ADK: variants seen among roughly 807,000 people sequenced by gnomAD.
The protein encoded by ADK is N6,N6-dimethyladenosine kinase.
ADK carries 24 observed loss-of-function variants against 44.7 expected under a neutral mutation model. The observed-to-expected ratio is 0.54, with a 90% CI of 0.39 to 0.76. ADK has a LOEUF of 0.76. Ranked by LOEUF, ADK falls within the 30% of genes least tolerant of loss-of-function variation. The probability of loss-of-function intolerance (pLI) is 0.00; values close to 1 mark genes in which losing one functional copy is unlikely to be tolerated. For missense variants in ADK, 321 were observed against 425.1 expected, an observed-to-expected ratio of 0.76 and a Z score of 2.15; for synonymous variants, 128 against 142.6, an observed-to-expected ratio of 0.90 and a Z score of 0.73.
At chr10:74,592,293 G>C (rs1480314900) in intron 8 of ADK, among the ~76,000 whole-genome samples, 2 of 152,076 alleles carry the variant, frequency 1.3e-5, no homozygotes, top group Non-Finnish European at 2.9e-5. Flanking sequence ...GTTCAGACTG[G>C]AGTGTGTTTT....
intron 9 of ADK, among the ~76,000 whole-genome samples, chr10:74,666,607 T>C (rs967889787): frequency 5.9e-5 from 9 of 152,108 alleles, no homozygotes; most frequent in African/African-American, 1.9e-4. Flanking sequence ...AGAAAGCTAG[T>C]TTTTACTAAT....
intron 6 of ADK, among the ~76,000 whole-genome samples, chr10:74,463,106 A>G (rs1199089700): frequency 6.6e-6 from 1 of 152,172 alleles, no homozygotes; most frequent in Non-Finnish European, 1.5e-5. Context: ...TTAAAATAAA[A>G]AATCTTTACT....
In ADK at chr10:74,657,582, A is replaced by C. The variant is rs1004816275; in HGVS notation, c.878-12601A>C. The stretch of plus-strand genomic sequence containing the variant: ...ACTTAAGATCAGCCAGAAAATGTAT[A>C]GTGAGTTCATACTGTACTAGATTCT... On this transcript the variant is annotated intron_variant, in intron 9 of 10. Coordinates refer to ENST00000539909, the MANE Select transcript of ADK (RefSeq NM_006721.4). 2.0e-5 allele frequency among the ~76,000 whole-genome samples: 3 copies of C among 152,232 alleles called. No individual in the cohort carries two copies. In the East Asian group the frequency reaches 5.8e-4, roughly 29 times the overall value.
chr10:74,330,301 A>G (rs902553202), intron 4 of ADK, among the ~76,000 whole-genome samples: 2 of 152,132 alleles, frequency 1.3e-5, no homozygotes, highest in Admixed American at 1.3e-4. Flanking sequence ...AGTCCCTGCT[A>G]CTCAGGAGGT....
At chr10:74,188,505 C>T (rs147970980) in intron 1 of ADK, among the ~76,000 whole-genome samples, 1,670 of 151,738 alleles carry the variant, frequency 0.011, 17 homozygotes, top group Non-Finnish European at 0.017. Context: ...CCCGCCACCA[C>T]ACCCGGCTAA....
intron 4 of ADK, among the ~76,000 whole-genome samples, chr10:74,343,513 G>A (rs560379037): frequency 1.3e-4 from 20 of 152,310 alleles, no homozygotes; most frequent in African/African-American, 4.8e-4. Context: ...TCTTAAGGGT[G>A]GCAGAGGTGG....
intron 6 of ADK, among the ~76,000 whole-genome samples, chr10:74,449,518 T>G (rs953109713): frequency 1.3e-5 from 2 of 152,234 alleles, no homozygotes; most frequent in Non-Finnish European, 2.9e-5. Flanking sequence ...TTTTGGTCAT[T>G]ATTTTTGTGT....
At chr10:74,667,500 AT>A (rs1425590822) in intron 9 of ADK, among the ~76,000 whole-genome samples, 1 of 150,926 alleles carries the variant, frequency 6.6e-6, no homozygotes, top group Non-Finnish European at 1.5e-5. Flanking sequence ...TTTATGTAGA[AT>A]TTTCAGCAAT....
intron 3 of ADK, among the ~76,000 whole-genome samples, chr10:74,273,136 C>G (rs1469119580): frequency 6.7e-6 from 1 of 149,996 alleles, no homozygotes; most frequent in Non-Finnish European, 1.5e-5. Flanking sequence ...GGTCAGTCAT[C>G]AGAAAACCTT....
At chr10:74,153,405 T>C (rs1591783688) in intron 1 of ADK, among the ~76,000 whole-genome samples, 2 of 152,196 alleles carry the variant, frequency 1.3e-5, no homozygotes, top group African/African-American at 4.8e-5. Context: ...ACGTCAACGG[T>C]GTTGAGGTTG....
chr10:74,571,230 GAT>G (rs1199410197), intron 7 of ADK, among the ~76,000 whole-genome samples: 8 of 152,218 alleles, frequency 5.3e-5, no homozygotes, highest in African/African-American at 1.9e-4. Context: ...GTTCATCAAG[GAT>G]ATTGGTCTAA....
At position 74,312,686 on chromosome 10, in the gene ADK, C is replaced by T. The variant is rs530734353; in HGVS notation, c.195-1981C>T. Among the ~76,000 whole-genome samples the T allele has an allele frequency of 1.4e-3, 214 of 150,128 alleles. 1 individual carries two copies. The highest frequency in any genetic ancestry group is 5.0e-3 in the African/African-American group (206 of 40,924). ...CTTTGGGAGGCTGAGGTGGGAGGAT[C>T]GCCTGAGCTCAGGAGTTCGAGATCT... On this transcript the variant is annotated intron_variant, in intron 3 of 10. Transcript: ENST00000539909.
At chr10:74,179,582 A>G (rs1842462599) in intron 1 of ADK, among the ~76,000 whole-genome samples, 1 of 152,192 alleles carries the variant, frequency 6.6e-6, no homozygotes, top group South Asian at 2.1e-4. Flanking sequence ...CACTCCCACC[A>G]GTGCCATTGA....
At chr10:74,175,993 T>A (rs79688216) in intron 1 of ADK, among the ~76,000 whole-genome samples, 1 of 148,002 alleles carries the variant, frequency 6.8e-6, no homozygotes, top group African/African-American at 2.5e-5. Flanking sequence ...CTTTTTTTTT[T>A]ATAGCCCGCA....
rs139544471 is a variant in ADK, at chr10:74,203,739, T to G, written c.140+2901T>G. On this transcript the variant is annotated intron_variant, in intron 2 of 10. Coordinates refer to ENST00000539909, the MANE Select transcript of ADK (RefSeq NM_006721.4). Reference sequence around the variant, plus strand: ...TTTTGAAGTCAGGAAGTGTCAGTCCTCCAACTTTGTTTTTCAAGATTATTA... The same window carrying G: ...TTTTGAAGTCAGGAAGTGTCAGTCCGCCAACTTTGTTTTTCAAGATTATTA... Among the ~76,000 whole-genome samples, 481 of 148,692 alleles carry G rather than the reference T, an allele frequency of 3.2e-3. 2 individuals carry two copies. Among genetic ancestry groups the G allele is most frequent in the Middle Eastern group, 0.021 (6 of 292 alleles).
chr10:74,623,138 C>G (rs754102893), intron 9 of ADK, among the ~76,000 whole-genome samples: 1 of 152,188 alleles, frequency 6.6e-6, no homozygotes, highest in Non-Finnish European at 1.5e-5. Context: ...TTCCCCCTTC[C>G]TTTCAGTTAT....
At chr10:74,215,418 C>G (rs1242669780) in intron 2 of ADK, among the ~76,000 whole-genome samples, 2 of 152,128 alleles carry the variant, frequency 1.3e-5, no homozygotes, top group Non-Finnish European at 2.9e-5. Context: ...TCAAGTGATT[C>G]TCCTGCCTCA....
intron 7 of ADK, among the ~76,000 whole-genome samples, chr10:74,548,917 C>A (rs2133768766): frequency 6.6e-6 from 1 of 152,258 alleles, no homozygotes; most frequent in East Asian, 1.9e-4. Flanking sequence ...GAAAACCTGG[C>A]AGAAGAATTT....
In ADK at chr10:74,359,199, C is replaced by T. The variant is rs373076299; in HGVS notation, c.274-34942C>T. On this transcript the variant is annotated intron_variant, in intron 4 of 10. Transcript: ENST00000539909. ...TATATATTTATTTATATGACAGTAC[C>T]ATGCTGTTTTGGTTACTGTAGCTTG... is the stretch of plus-strand genomic sequence containing the variant. Among the ~76,000 whole-genome samples, 35 of 152,058 alleles carry T rather than the reference C, an allele frequency of 2.3e-4. 1 individual carries two copies. Among genetic ancestry groups the T allele is most frequent in the Middle Eastern group, 6.8e-3 (2 of 294 alleles).
Sources: gnomAD v4.1 joint callset for allele counts (sites outside exome capture counted in the v4.1 genomes callset) on GRCh38, gnomAD v4.1.1 for gene constraint, MANE v1.5 for transcripts, NCBI Gene and HGNC (gene_info 2026-07-23, HGNC 2026-07-21) for gene names.